The following SUPT3H variants were observed in gnomAD, a reference collection of about 807,000 sequenced individuals.
SUPT3H encodes the protein transcription initiation protein SPT3 homolog.
A neutral mutation model predicts 44.3 loss-of-function variants in SUPT3H; 44 were observed. The ratio of observed to expected loss-of-function variants is 0.99; its 90% CI spans 0.78 to 1.28. SUPT3H has a LOEUF of 1.28. Ranked by LOEUF, SUPT3H falls within the 50% of genes most tolerant of loss-of-function variation. The probability of loss-of-function intolerance (pLI) is 0.00; values close to 1 mark genes in which losing one functional copy is unlikely to be tolerated. For missense variants in SUPT3H, 380 were observed against 387.1 expected (o/e 0.98, Z 0.15); for synonymous variants, 124 against 125.6 (o/e 0.99, Z 0.09).
At chr6:45,264,332 C>G (rs1774900699) in intron 2 of SUPT3H, among the ~76,000 whole-genome samples, 2 of 152,090 alleles carry the variant, frequency 1.3e-5, no homozygotes, top group African/African-American at 4.8e-5. Flanking sequence ...TAAAAGTTCA[C>G]CAGCCAGTCA....
intron 2 of SUPT3H, among the ~76,000 whole-genome samples, chr6:45,120,417 T>TAAAAAAAAAAAAAAAAAACAA: frequency 2.0e-5 from 1 of 50,510 alleles, no homozygotes; most frequent in Non-Finnish European, 3.7e-5. Flanking sequence ...AGACCTTGTC[T>TAAAAAAAAAAAAAAAAAACAA]AAAAAAAAAA....
At chr6:44,838,493 T>C (rs1268334250) in intron 10 of SUPT3H, among the ~76,000 whole-genome samples, 9 of 152,004 alleles carry the variant, frequency 5.9e-5, no homozygotes, top group African/African-American at 2.2e-4. Flanking sequence ...GAGATCTGAG[T>C]TGGGGACGGG....
chr6:45,182,870 A>G (rs963440253), intron 2 of SUPT3H, among the ~76,000 whole-genome samples: 19 of 152,312 alleles, frequency 1.2e-4, no homozygotes, highest in African/African-American at 4.3e-4. Context: ...ATCCTATTAC[A>G]TTGCTGGTGG....
chr6:45,190,421 T>G (rs1402963875), intron 2 of SUPT3H, among the ~76,000 whole-genome samples: 1 of 152,008 alleles, frequency 6.6e-6, no homozygotes, highest in East Asian at 1.9e-4. Context: ...ACCAAAAACC[T>G]AACATTTAAT....
rs1581846686 is a variant in SUPT3H at position 44,827,850 on chromosome 6, A to C, written c.*1966T>G. Among the ~76,000 whole-genome samples, 1 of 151,594 alleles carries C rather than the reference A, an allele frequency of 6.6e-6. No homozygotes were observed. The highest frequency in any genetic ancestry group is 2.4e-5 in the African/African-American group (1 of 41,258). On this transcript the variant is annotated 3_prime_UTR_variant, in exon 11 of 11. Transcript: ENST00000371459. ...CTTATGATGAAAAATGAAAGGTTTT[A>C]TATGAACTTACTGGGCAAAACCAGA...
chr6:45,178,941 T>G (rs1812563556), intron 2 of SUPT3H, among the ~76,000 whole-genome samples: 1 of 151,464 alleles, frequency 6.6e-6, no homozygotes, highest in African/African-American at 2.4e-5. Flanking sequence ...TTTATAGCAC[T>G]AAATGCCCAC....
intron 2 of SUPT3H, among the ~76,000 whole-genome samples, chr6:45,226,536 T>C (rs562867056): frequency 6.6e-6 from 1 of 152,082 alleles, no homozygotes; most frequent in South Asian, 2.1e-4. Context: ...GACCCCCATC[T>C]CTACAAAAAA....
intron 6 of SUPT3H, among the ~76,000 whole-genome samples, chr6:44,997,015 C>T (rs943403289): frequency 2.0e-5 from 3 of 151,664 alleles, no homozygotes; most frequent in Non-Finnish European, 4.4e-5. Flanking sequence ...ACTAGTACCA[C>T]ACTATTTTGA....
At chr6:44,894,636 A>G (rs1186675233) in intron 10 of SUPT3H, among the ~76,000 whole-genome samples, 1 of 152,112 alleles carries the variant, frequency 6.6e-6, no homozygotes, top group Non-Finnish European at 1.5e-5. Flanking sequence ...CTTGTAGTAT[A>G]GTTTGAAGTC....
At chr6:44,978,510 G>C (rs897421572) in intron 6 of SUPT3H, among the ~76,000 whole-genome samples, 39 of 152,120 alleles carry the variant, frequency 2.6e-4, no homozygotes, top group Non-Finnish European at 5.9e-5. Flanking sequence ...TTTGGTAAAA[G>C]ATAAAAACTG....
At chr6:45,294,153 C>G (rs1460793211) in intron 2 of SUPT3H, among the ~76,000 whole-genome samples, 2 of 152,140 alleles carry the variant, frequency 1.3e-5, no homozygotes, top group Non-Finnish European at 2.9e-5. Context: ...AAGTGGGTTT[C>G]ATACCAGGGA....
At chr6:45,357,179 T>C (rs1022042646) in intron 2 of SUPT3H, among the ~76,000 whole-genome samples, 2 of 152,024 alleles carry the variant, frequency 1.3e-5, no homozygotes, top group African/African-American at 4.8e-5. Flanking sequence ...GCTAATTTTT[T>C]TGTATTTTTA....
At chr6:45,179,201 G>C (rs1812627595) in intron 2 of SUPT3H, among the ~76,000 whole-genome samples, 1 of 152,156 alleles carries the variant, frequency 6.6e-6, no homozygotes, top group Admixed American at 6.6e-5. Context: ...TCTCTGAACA[G>C]ACCAATAACA....
At chr6:45,032,909 T>C (rs1357043571) in intron 3 of SUPT3H, among the ~76,000 whole-genome samples, 4 of 152,142 alleles carry the variant, frequency 2.6e-5, no homozygotes, top group Non-Finnish European at 4.4e-5. Context: ...AAACAGTATT[T>C]AAGCAATTCA....
chr6:45,106,825 C>T (rs1322778450), intron 2 of SUPT3H, among the ~76,000 whole-genome samples: 1 of 152,194 alleles, frequency 6.6e-6, no homozygotes, highest in Non-Finnish European at 1.5e-5. Flanking sequence ...CATGAGTCAC[C>T]ACGCCCGCCT....
At chr6:45,008,967 C>T (rs574368826) in intron 5 of SUPT3H, among the ~76,000 whole-genome samples, 1 of 152,256 alleles carries the variant, frequency 6.6e-6, no homozygotes, top group African/African-American at 2.4e-5. Context: ...TCTTGAACTC[C>T]TGACCTCAAG....
chr6:45,106,514 A>G (rs920864163), intron 2 of SUPT3H, among the ~76,000 whole-genome samples: 4 of 152,006 alleles, frequency 2.6e-5, no homozygotes, highest in African/African-American at 9.7e-5. Context: ...TATCTATGCT[A>G]TTTCTGGATT....
At chr6:45,214,345 C>T (rs758615631) in intron 2 of SUPT3H, among the ~76,000 whole-genome samples, 9 of 151,502 alleles carry the variant, frequency 5.9e-5, no homozygotes, top group Non-Finnish European at 7.4e-5. Flanking sequence ...ATTCAGAAAA[C>T]TAATGATAGT....
In SUPT3H at chr6:45,304,030, T is replaced by C. The variant is rs529412437; in HGVS notation, c.101+61171A>G. 2.6e-5 allele frequency among the ~76,000 whole-genome samples: 4 copies of C among 152,096 alleles called. No individual in the cohort carries two copies. The East Asian group carries it at 7.7e-4, about 29-fold the overall frequency. On this transcript the variant is annotated intron_variant, in intron 2 of 10. Transcript: ENST00000371459. ...ATCTTTAAATTAAATTTGTTGTACT[T>C]CTCTTTTAATAGACTATATACTGTA...
Sources: allele counts gnomAD v4.1 joint callset (sites outside exome capture counted in the v4.1 genomes callset), GRCh38; gene constraint gnomAD v4.1.1; transcripts MANE v1.5; gene names NCBI Gene and HGNC (gene_info 2026-07-23, HGNC 2026-07-21).